Variants in PSMA3 observed in about 807,000 individuals in gnomAD.
The protein encoded by PSMA3 is proteasome subunit alpha type-3.
PSMA3 carries 8 observed loss-of-function variants against 40.0 expected under a neutral mutation model. That is an observed-to-expected ratio of 0.20 (90% CI 0.12 to 0.36). PSMA3 has a LOEUF of 0.36. Ranked by LOEUF, PSMA3 falls within the 10% of genes least tolerant of loss-of-function variation. The pLI, the probability that PSMA3 is intolerant of heterozygous loss-of-function variation, is 1.00. For missense variants in PSMA3, 219 were observed against 310.6 expected (o/e 0.70, Z 2.22); for synonymous variants, 110 against 100.0 (o/e 1.10, Z -0.59).
chr14:58,271,877 AGAT>A lies in PSMA3; in HGVS notation c.757_759del (p.Asp253del), dbSNP rs1890636729. 2 of 1,595,292 alleles carry A rather than the reference AGAT, an allele frequency of 1.3e-6. No individual in the cohort carries two copies. The highest frequency in any genetic ancestry group is 1.7e-5 in the Admixed American group (1 of 59,856). On this transcript the variant is annotated inframe_deletion, in exon 11 of 11. Transcript: ENST00000216455. ...AATCTCTGAAGGAAGAAGATGAATC[AGAT>A]GATGATAATATGTAACATTTACTCC...
chr14:58,246,434 C>G (rs1416901468), intron 1 of PSMA3, among the ~76,000 whole-genome samples: 1 of 152,200 alleles, frequency 6.6e-6, no homozygotes, highest in African/African-American at 2.4e-5. Context: ...GAGTCTTGCT[C>G]TGTTGCCAGG....
Position 58,247,903 on chromosome 14 carries a change from A to G in PSMA3, c.104+71A>G. ...ATATTTTTGGCGATTAGGCTTTGTT[A>G]TGTTACTTTGGTACAAATTAGTATA... On this transcript the variant is annotated intron_variant, in intron 2 of 10. Transcript: ENST00000216455. 8.6e-6 allele frequency: 9 copies of G among 1,040,906 alleles called. No homozygotes were observed. In the South Asian group the frequency reaches 1.2e-4, roughly 14 times the overall value. 64.5% of individuals were successfully genotyped at this position (1,040,906 alleles called of 1,614,324 possible).
Position 58,271,957 on chromosome 14 carries a change from C to T in PSMA3, c.*62C>T. 8.0e-7 allele frequency: 1 copy of T among 1,246,112 alleles called. No individual in the cohort carries two copies. The highest frequency in any genetic ancestry group is 1.2e-6 in the Non-Finnish European group (1 of 855,818). 77.2% of individuals were successfully genotyped at this position (1,246,112 alleles called of 1,614,324 possible). A position where few individuals can be genotyped will look rare whatever the true frequency, so the allele number is the denominator to read the frequency against. Reference sequence around the variant, plus strand: ...CTCCAGTCCAATGTAACTATTTAGCCCTGGATTATACATACTGTCCAATTT... The same window carrying T: ...CTCCAGTCCAATGTAACTATTTAGCTCTGGATTATACATACTGTCCAATTT... On this transcript the variant is annotated 3_prime_UTR_variant, in exon 11 of 11. Transcript: ENST00000216455.
intron 6 of PSMA3, 76 bp from the exon 7 acceptor site, chr14:58,263,629 A>T (rs1566642943): frequency 5.0e-6 from 6 of 1,188,496 alleles, no homozygotes; most frequent in Non-Finnish European, 7.3e-6. Flanking sequence ...TCACTAGGTT[A>T]TAGAAACATT....
At chr14:58,257,552 ATACT>A (rs1890173377) in intron 3 of PSMA3, among the ~76,000 whole-genome samples, 189 bp from the exon 4 acceptor site, 1 of 152,180 alleles carries the variant, frequency 6.6e-6, no homozygotes, top group Non-Finnish European at 1.5e-5. Context: ...CAATGAAGTT[ATACT>A]TACTAAATTT....
At chr14:58,267,447 G>C in intron 7 of PSMA3, 27 bp from the exon 8 acceptor site, 2 of 1,502,314 alleles carry the variant, frequency 1.3e-6, no homozygotes, top group South Asian at 2.8e-5. Context: ...TTCTTCTGAT[G>C]AACAGTATAC....
At chr14:58,245,036 C>T in intron 1 of PSMA3, 95 bp downstream of exon 1, 1 of 1,539,532 alleles carries the variant, frequency 6.5e-7, no homozygotes, top group East Asian at 2.2e-5. Flanking sequence ...ACCCGGGGTG[C>T]TCTGAGACCG....
intron 5 of PSMA3, among the ~76,000 whole-genome samples, chr14:58,259,686 A>T (rs1461142688): frequency 6.6e-6 from 1 of 152,224 alleles, no homozygotes. Context: ...GTGAAGTCAC[A>T]TTGATAAAAT....
chr14:58,268,665 C>T (rs564950980), intron 8 of PSMA3: 12 of 152,164 alleles, frequency 7.9e-5, no homozygotes, highest in Non-Finnish European at 1.3e-4. Context: ...TTTCCTTCAC[C>T]GAACCAATCC....
intron 7 of PSMA3, chr14:58,265,069 C>T (rs1890397079): frequency 6.6e-6 from 1 of 152,152 alleles, no homozygotes; most frequent in African/African-American, 2.4e-5. Context: ...CAAGACCAGG[C>T]TGGGCAAAAG....
intron 5 of PSMA3, among the ~76,000 whole-genome samples, chr14:58,259,997 A>G (rs955509519): frequency 6.6e-6 from 1 of 152,238 alleles, no homozygotes; most frequent in Non-Finnish European, 1.5e-5. Context: ...GATAAGTCTC[A>G]TATCGGTAGA....
intron 7 of PSMA3, chr14:58,266,885 G>T (rs996949308): frequency 6.6e-6 from 1 of 152,200 alleles, no homozygotes; most frequent in African/African-American, 2.4e-5. Context: ...TTCACCAGTC[G>T]TTCAAACTTC....
chr14:58,269,642 C>G (rs1322955330), intron 8 of PSMA3: 1 of 151,904 alleles, frequency 6.6e-6, no homozygotes, highest in African/African-American at 2.4e-5. Context: ...CCATGTTGGC[C>G]AGGATGGTCT....
chr14:58,245,093 T>C (rs1258490268), intron 1 of PSMA3, 152 bp downstream of exon 1: 16 of 943,870 alleles, frequency 1.7e-5, no homozygotes, highest in Admixed American at 1.1e-4. Flanking sequence ...ACCGGTCGTC[T>C]TTATCCCCTA....
chr14:58,255,308 C>T (rs1458290169), intron 3 of PSMA3, among the ~76,000 whole-genome samples: 2 of 152,054 alleles, frequency 1.3e-5, no homozygotes, highest in African/African-American at 2.4e-5. Context: ...TTGGATGTGG[C>T]CACTGTCATT....
chr14:58,247,956 C>G, intron 2 of PSMA3, 124 bp downstream of exon 2: 1 of 625,196 alleles, frequency 1.6e-6, no homozygotes, highest in South Asian at 2.2e-5. Context: ...TTATTCATTT[C>G]CAGATCTCTT....
intron 6 of PSMA3, among the ~76,000 whole-genome samples, chr14:58,263,043 C>T (rs1188144142): frequency 4.1e-5 from 6 of 145,094 alleles, no homozygotes; most frequent in South Asian, 4.4e-4. Context: ...AGTGCAGTGG[C>T]GCGGTCTCAG....
intron 8 of PSMA3, 131 bp downstream of exon 8, chr14:58,267,651 A>G: frequency 7.9e-7 from 1 of 1,268,686 alleles, no homozygotes; most frequent in Non-Finnish European, 1.0e-6. Flanking sequence ...GGTAAATTTA[A>G]CATTCTAAGA....
intron 8 of PSMA3, chr14:58,268,080 ATACTAT>A (rs1890498649): frequency 6.6e-6 from 1 of 152,238 alleles, no homozygotes; most frequent in Admixed American, 6.5e-5. Context: ...ATAAAGTAGA[ATACTAT>A]TAATATGTAA....
Sources: allele counts gnomAD v4.1 joint callset (sites outside exome capture counted in the v4.1 genomes callset), GRCh38; gene constraint gnomAD v4.1.1; transcripts MANE v1.5; gene names NCBI Gene and HGNC (gene_info 2026-07-23, HGNC 2026-07-21).